The following E2F3 variants were observed in gnomAD, a reference collection of about 807,000 sequenced individuals.
E2F3 encodes the protein E2F transcription factor 3, also known as transcription factor E2F3.
In E2F3, 11 loss-of-function variants were observed where a neutral mutation model predicts 44.4. That is an observed-to-expected ratio of 0.25 (90% CI 0.16 to 0.41). E2F3 has a LOEUF of 0.41. Among genes scored for constraint, E2F3 ranks in the 10% least tolerant of loss-of-function variants. The pLI, the probability that E2F3 is intolerant of heterozygous loss-of-function variation, is 1.00. For missense variants in E2F3, 487 were observed against 583.6 expected (o/e 0.83, Z 1.70); for synonymous variants, 249 against 253.0 (o/e 0.98, Z 0.15).
At chr6:20,481,955 G>A (rs187702998) in intron 3 of E2F3, among the ~76,000 whole-genome samples, 1 of 152,218 alleles carries the variant, frequency 6.6e-6, no homozygotes, top group Admixed American at 6.5e-5. Flanking sequence ...AGCAGGGATG[G>A]TAGCATGATA....
chr6:20,402,013 G>A lies in E2F3; in HGVS notation c.-220G>A. On this transcript the variant is annotated 5_prime_UTR_variant, in exon 1 of 7. The change creates a new upstream start codon in the 5' untranslated region. Coordinates refer to ENST00000346618, the MANE Select transcript of E2F3 (RefSeq NM_001949.5). The surrounding 1 kb of genome is among the most constrained non-coding windows in gnomAD (Gnocchi z 5.6). ...CATCCCCGCTTGGGGCCCGATATCCGTGCGGCCGGGACCCTCCTCTCTCCA... is the reference window on the plus strand; with the variant it reads ...CATCCCCGCTTGGGGCCCGATATCCATGCGGCCGGGACCCTCCTCTCTCCA... The A allele has an allele frequency of 1.4e-6, 1 of 692,144 alleles. No individual in the cohort carries two copies. The highest frequency in any genetic ancestry group is 2.1e-6 in the Non-Finnish European group (1 of 484,986). The allele number at this position is 692,144 out of a possible 1,614,324, so 42.9% of individuals were successfully genotyped here. A position where few individuals can be genotyped will look rare whatever the true frequency, so the allele number is the denominator to read the frequency against.
intron 1 of E2F3, among the ~76,000 whole-genome samples, chr6:20,425,020 G>A (rs569644873): frequency 4.6e-5 from 7 of 152,182 alleles, no homozygotes; most frequent in African/African-American, 1.7e-4. Context: ...TCCATGTCCT[G>A]CAGGGCGGTC....
intron 5 of E2F3, among the ~76,000 whole-genome samples, 193 bp downstream of exon 5, chr6:20,486,996 C>T (rs1384796084): frequency 1.3e-5 from 2 of 152,216 alleles, no homozygotes; most frequent in African/African-American, 4.8e-5. Flanking sequence ...AACAACCTAA[C>T]TTTGACCTAG....
chr6:20,408,404 C>T (rs932612931), intron 1 of E2F3, among the ~76,000 whole-genome samples: 2 of 152,208 alleles, frequency 1.3e-5, no homozygotes, highest in African/African-American at 2.4e-5. Flanking sequence ...ATATTCTGTT[C>T]ACACTTGTTT....
chr6:20,448,895 G>A (rs1761036600), intron 1 of E2F3, among the ~76,000 whole-genome samples: 1 of 152,194 alleles, frequency 6.6e-6, no homozygotes, highest in East Asian at 1.9e-4. Context: ...TTAATTGGAA[G>A]AGAGTATTTA....
chr6:20,472,068 A>ACACACACACT (rs1320530650), intron 1 of E2F3, among the ~76,000 whole-genome samples: 2 of 147,632 alleles, frequency 1.4e-5, no homozygotes, highest in African/African-American at 2.5e-5. Flanking sequence ...ACACACACAC[A>ACACACACACT]CTCACATCTA....
At chr6:20,463,686 C>T (rs1396079836) in intron 1 of E2F3, among the ~76,000 whole-genome samples, 1 of 152,164 alleles carries the variant, frequency 6.6e-6, no homozygotes, top group African/African-American at 2.4e-5. Flanking sequence ...GCTTCTGACA[C>T]CAGATGTGCT....
intron 1 of E2F3, among the ~76,000 whole-genome samples, chr6:20,429,713 G>C (rs1249180136): frequency 6.6e-6 from 1 of 151,342 alleles, no homozygotes; most frequent in African/African-American, 2.4e-5. Flanking sequence ...CCACTTTCTT[G>C]TGTGTTTTTT....
chr6:20,456,577 G>A (rs886127816), intron 1 of E2F3, among the ~76,000 whole-genome samples: 8 of 151,950 alleles, frequency 5.3e-5, no homozygotes, highest in Non-Finnish European at 8.8e-5. Flanking sequence ...TGCAATGTGC[G>A]AATACAAATA....
intron 1 of E2F3, among the ~76,000 whole-genome samples, chr6:20,444,384 T>C (rs1760870871): frequency 6.6e-6 from 1 of 152,208 alleles, no homozygotes; most frequent in African/African-American, 2.4e-5. Context: ...TGAAATAAAC[T>C]TCATTCAAAT....
intron 1 of E2F3, among the ~76,000 whole-genome samples, chr6:20,471,641 G>C (rs968551271): frequency 1.8e-4 from 28 of 152,112 alleles, no homozygotes; most frequent in Non-Finnish European, 4.4e-5. Context: ...CAAGAAACAG[G>C]CTGTGCTGTT....
chr6:20,423,514 A>G (rs373106259), intron 1 of E2F3, among the ~76,000 whole-genome samples: 6 of 152,206 alleles, frequency 3.9e-5, no homozygotes, highest in African/African-American at 1.4e-4. Context: ...CTTGTCGCCC[A>G]GGTTGGAGTG....
rs759216279 is a variant in E2F3, at chr6:20,402,370, CGCCGCCGCCGCT to C, written c.148_159del (p.Ala50_Ala53del). ...TGCTAGCCAGCCCCGGCTTCGCCGCCGCCGCCGCCGCTGCCGCCGCCCCGGGCGCGTACATCC... is the reference window on the plus strand; with the variant it reads ...TGCTAGCCAGCCCCGGCTTCGCCGCCGCCGCCGCCCCGGGCGCGTACATCC... On this transcript the variant is annotated inframe_deletion, in exon 1 of 7. Transcript: ENST00000346618. The surrounding 1 kb of genome is among the most constrained non-coding windows in gnomAD (Gnocchi z 5.6). The C allele has an allele frequency of 1.4e-5, 22 of 1,608,060 alleles. No individual in the cohort carries two copies. The highest frequency in any genetic ancestry group is 4.5e-5 in the East Asian group (2 of 44,608).
At chr6:20,484,024 T>G (rs4134949) in intron 4 of E2F3, among the ~76,000 whole-genome samples, 4,580 of 152,312 alleles carry the variant, frequency 0.03, 154 homozygotes, top group African/African-American at 0.083. Context: ...CCCCAGTGGT[T>G]GGCAGAGTGG....
intron 1 of E2F3, among the ~76,000 whole-genome samples, chr6:20,407,422 C>A (rs184335387): frequency 1.3e-5 from 2 of 152,088 alleles, no homozygotes; most frequent in African/African-American, 4.8e-5. Flanking sequence ...TTCTATAAAT[C>A]GCCACCTTGT....
intron 1 of E2F3, among the ~76,000 whole-genome samples, chr6:20,438,957 A>C (rs775998085): frequency 1.5e-4 from 23 of 152,202 alleles, no homozygotes; most frequent in Admixed American, 2.6e-4. Flanking sequence ...GCTGATTCAG[A>C]GATTCCCCCA....
chr6:20,459,035 G>A (rs992269071), intron 1 of E2F3, among the ~76,000 whole-genome samples: 3 of 152,172 alleles, frequency 2.0e-5, no homozygotes, highest in African/African-American at 7.2e-5. Flanking sequence ...AGGCCAAGGC[G>A]GCTGGATCAC....
At chr6:20,471,729 A>G (rs1581641498) in intron 1 of E2F3, among the ~76,000 whole-genome samples, 1 of 152,240 alleles carries the variant, frequency 6.6e-6, no homozygotes, top group Non-Finnish European at 1.5e-5. Context: ...TAGTATGGTA[A>G]TAATGTATAT....
Position 20,424,965 on chromosome 6 carries a change from A to G in E2F3, c.393+22340A>G, listed in dbSNP as rs565086035. ...ACCCAGACACGTGGGGTTTTCTCAC[A>G]TGACGAGGGCAGGCCATTGTCTAGG... On this transcript the variant is annotated intron_variant, in intron 1 of 6. Coordinates refer to ENST00000346618, the MANE Select transcript of E2F3 (RefSeq NM_001949.5). Among the ~76,000 whole-genome samples the G allele has an allele frequency of 6.6e-5, 10 of 152,328 alleles. No individual in the cohort carries two copies. In the South Asian group the frequency reaches 2.1e-3, roughly 32 times the overall value.
Sources: gnomAD v4.1 joint callset for allele counts (sites outside exome capture counted in the v4.1 genomes callset) on GRCh38, gnomAD v4.1.1 for gene constraint, Gnocchi (gnomAD v3.1) non-coding constraint, MANE v1.5 for transcripts, NCBI Gene and HGNC (gene_info 2026-07-23, HGNC 2026-07-21) for gene names.